The following ACOXL variants were observed in gnomAD, a reference collection of about 807,000 sequenced individuals.
ACOXL encodes acyl-coenzyme A oxidase-like protein.
In ACOXL, 70 loss-of-function variants were observed where a neutral mutation model predicts 71.9. The observed-to-expected ratio is 0.97, with a 90% CI of 0.80 to 1.19. The LOEUF (loss-of-function observed/expected upper bound fraction) is 1.19, where lower values mean the gene tolerates loss of function less well. ACOXL is among the 50% of genes most tolerant of loss of function. The pLI is 0.00. For missense variants in ACOXL, 703 were observed against 736.3 expected (o/e 0.95, Z 0.52); for synonymous variants, 253 against 281.6 (o/e 0.90, Z 1.02).
chr2:111,093,226 CAAAAA>C (rs551489527), intron 17 of ACOXL, among the ~76,000 whole-genome samples: 2 of 94,104 alleles, frequency 2.1e-5, no homozygotes. Flanking sequence ...TTGTCTTGGC[CAAAAA>C]AAAAAAAAAA....
chr2:110,763,514 T>C (rs1269107569), intron 1 of ACOXL, among the ~76,000 whole-genome samples: 1 of 152,178 alleles, frequency 6.6e-6, no homozygotes, highest in Non-Finnish European at 1.5e-5. Context: ...AATCTATACA[T>C]AGACCTTACA....
chr2:111,089,967 G>A (rs73954917), intron 16 of ACOXL, among the ~76,000 whole-genome samples: 2,501 of 152,268 alleles, frequency 0.016, 61 homozygotes, highest in African/African-American at 0.057. Flanking sequence ...GAAACCAAGT[G>A]TTAAGAGGAG....
At chr2:110,758,734 C>T (rs975185018) in intron 1 of ACOXL, among the ~76,000 whole-genome samples, 1 of 152,068 alleles carries the variant, frequency 6.6e-6, no homozygotes, top group Admixed American at 6.5e-5. Flanking sequence ...GAGTTTATTG[C>T]TCTTGGTTCT....
intron 12 of ACOXL, among the ~76,000 whole-genome samples, chr2:110,933,934 G>A (rs945714772): frequency 3.9e-5 from 6 of 152,212 alleles, no homozygotes; most frequent in Non-Finnish European, 8.8e-5. Context: ...AAGGGCCACT[G>A]AAGGTTCAGA....
At chr2:110,933,712 C>T (rs564764973) in intron 12 of ACOXL, 70 bp downstream of exon 12, 100 of 1,494,506 alleles carry the variant, frequency 6.7e-5, no homozygotes, top group East Asian at 4.1e-4. Flanking sequence ...CACTGTGGGG[C>T]GGGCAGATAA....
intron 16 of ACOXL, among the ~76,000 whole-genome samples, chr2:111,065,239 A>G (rs1374880263): frequency 6.6e-6 from 1 of 152,204 alleles, no homozygotes; most frequent in Non-Finnish European, 1.5e-5. Flanking sequence ...GGCATGAGCA[A>G]CTCCAGTGAA....
intron 10 of ACOXL, among the ~76,000 whole-genome samples, chr2:110,848,763 A>G (rs1692223841): frequency 6.6e-6 from 1 of 152,100 alleles, no homozygotes; most frequent in African/African-American, 2.4e-5. Flanking sequence ...GTATGCTGCC[A>G]CACCTACACA....
chr2:110,756,856 T>TA (rs1389122962), intron 1 of ACOXL, among the ~76,000 whole-genome samples: 3 of 152,152 alleles, frequency 2.0e-5, no homozygotes, highest in East Asian at 1.9e-4. Flanking sequence ...CACATCTTTT[T>TA]AAAAAAAATT....
intron 10 of ACOXL, among the ~76,000 whole-genome samples, chr2:110,854,516 A>T (rs192489440): frequency 2.6e-5 from 4 of 152,156 alleles, no homozygotes; most frequent in Admixed American, 2.6e-4. Flanking sequence ...GCCCCCAAGG[A>T]GGGTGTTTGT....
intron 10 of ACOXL, among the ~76,000 whole-genome samples, chr2:110,857,683 TTTTA>T (rs796488558): frequency 6.6e-6 from 1 of 152,092 alleles, no homozygotes; most frequent in East Asian, 1.9e-4. Flanking sequence ...GGCTAGAGTA[TTTTA>T]TTTATTTATT....
chr2:110,754,070 ATTTT>A (rs558367497), intron 1 of ACOXL, among the ~76,000 whole-genome samples: 6 of 119,880 alleles, frequency 5.0e-5, no homozygotes, highest in African/African-American at 1.3e-4. Context: ...AGTTCTGTGA[ATTTT>A]TTTTTTTTTT....
intron 10 of ACOXL, among the ~76,000 whole-genome samples, chr2:110,876,532 G>A (rs554580049): frequency 6.6e-6 from 1 of 152,310 alleles, no homozygotes; most frequent in Non-Finnish European, 1.5e-5. Flanking sequence ...GCATCACACT[G>A]TGTGCAGCTT....
intron 1 of ACOXL, among the ~76,000 whole-genome samples, chr2:110,737,343 T>A (rs995247031): frequency 1.3e-5 from 2 of 152,246 alleles, no homozygotes; most frequent in African/African-American, 4.8e-5. Context: ...GGTTATCTAC[T>A]GGCTTACTCT....
intron 12 of ACOXL, among the ~76,000 whole-genome samples, chr2:110,942,473 C>T (rs1316346382): frequency 6.6e-6 from 1 of 152,120 alleles, no homozygotes; most frequent in Non-Finnish European, 1.5e-5. Context: ...GAATAAATAA[C>T]ATCATTTCAT....
intron 1 of ACOXL, among the ~76,000 whole-genome samples, chr2:110,759,421 T>A (rs1292044088): frequency 2.6e-5 from 4 of 152,194 alleles, no homozygotes; most frequent in Non-Finnish European, 5.9e-5. Context: ...AACACTTTAC[T>A]GTTATGTAAT....
intron 13 of ACOXL, among the ~76,000 whole-genome samples, chr2:110,991,954 C>T (rs6542245): frequency 0.2 from 31,103 of 152,124 alleles, 4,011 homozygotes; most frequent in Middle Eastern, 0.31. Context: ...AAGAATAGTA[C>T]GACTCCCCAC....
intron 16 of ACOXL, among the ~76,000 whole-genome samples, chr2:111,077,363 A>G (rs1311894449): frequency 6.6e-6 from 1 of 152,134 alleles, no homozygotes; most frequent in Non-Finnish European, 1.5e-5. Flanking sequence ...TCTTTCTGTC[A>G]TATGCATCTT....
intron 16 of ACOXL, among the ~76,000 whole-genome samples, chr2:111,053,496 A>G (rs757790009): frequency 6.6e-6 from 1 of 152,198 alleles, no homozygotes; most frequent in Non-Finnish European, 1.5e-5. Context: ...TCAAGGCCAA[A>G]GCCTCTCCCT....
At chr2:111,028,489 T>C (rs769379403) in intron 14 of ACOXL, among the ~76,000 whole-genome samples, 1 of 152,052 alleles carries the variant, frequency 6.6e-6, no homozygotes, top group Non-Finnish European at 1.5e-5. Flanking sequence ...TTAATTTCCT[T>C]TTCTTGCCTT....
Sources: gnomAD v4.1 joint callset for allele counts (sites outside exome capture counted in the v4.1 genomes callset) on GRCh38, gnomAD v4.1.1 for gene constraint, MANE v1.5 for transcripts, NCBI Gene and HGNC (gene_info 2026-07-23, HGNC 2026-07-21) for gene names.